PLCB4: variants seen among roughly 807,000 people sequenced by gnomAD.
PLCB4 encodes the protein phospholipase C beta 4, also known as 1-phosphatidylinositol 4,5-bisphosphate phosphodiesterase beta-4.
PLCB4 carries 77 observed loss-of-function variants against 178.8 expected under a neutral mutation model. The ratio of observed to expected loss-of-function variants is 0.43; its 90% CI spans 0.36 to 0.52. The LOEUF is 0.52. Among genes scored for constraint, PLCB4 ranks in the 20% least tolerant of loss-of-function variants. The probability of loss-of-function intolerance (pLI) is 0.00; values close to 1 mark genes in which losing one functional copy is unlikely to be tolerated. For synonymous variants in PLCB4, 496 were observed against 490.8 expected, an observed-to-expected ratio of 1.01 and a Z score of -0.14; for missense variants, 1,024 against 1,453.4, an observed-to-expected ratio of 0.70 and a Z score of 4.80.
In PLCB4 at chr20:9,095,642, G is replaced by T. The variant is rs924913260; in HGVS notation, c.-134-645G>T. ...ATTTAGTATTTGTTAGTGACTAGTA[G>T]GTTTCTGTGTCAATTGTTTATTGAA... On this transcript the variant is annotated intron_variant, in intron 1 of 39. Transcript: ENST00000378473. Among the ~76,000 whole-genome samples, 37 of 152,232 alleles carry T rather than the reference G, an allele frequency of 2.4e-4. 1 individual carries two copies. Among genetic ancestry groups the T allele is most frequent in the Middle Eastern group, 6.8e-3 (2 of 294 alleles).
At chr20:9,114,351 A>G (rs577031854) in intron 2 of PLCB4, among the ~76,000 whole-genome samples, 3 of 152,174 alleles carry the variant, frequency 2.0e-5, no homozygotes, top group South Asian at 4.1e-4. Context: ...AAGTAAGATG[A>G]TGGCAATGTT....
At chr20:9,155,222 T>TGGAAAATCATA (rs1465921977) in intron 2 of PLCB4, among the ~76,000 whole-genome samples, 1 of 151,782 alleles carries the variant, frequency 6.6e-6, no homozygotes, top group Non-Finnish European at 1.5e-5. Context: ...CACTCCTGTG[T>TGGAAAATCATA]TACTTGATTT....
rs2148071370 is a variant in PLCB4, at chr20:9,338,987, G to A, written c.319G>A (p.Val107Met). Residue 107 changes from valine (V) to methionine (M), a missense_variant, in exon 7 of 40, where the codon GTG becomes ATG. By Grantham distance (21) the Val-to-Met change is conservative. This residue lies in a region of PLCB4 where 225 missense variants were observed against 291.0 expected (regional missense o/e 0.77). Transcript: ENST00000378473. Reference protein sequence around the residue: ...IVCVCSGTDLVNISFTYMVAE... With the variant: ...IVCVCSGTDLMNISFTYMVAE... Reference sequence around the variant, plus strand: ...TTGTGTCTGCAGTGGCACAGATCTAGTGAACATTAGTTTTACCTACATGGT... The same window carrying A: ...TTGTGTCTGCAGTGGCACAGATCTAATGAACATTAGTTTTACCTACATGGT... The A allele has an allele frequency of 1.2e-6, 2 of 1,613,404 alleles. No individual in the cohort carries two copies. Among genetic ancestry groups the A allele is most frequent in the East Asian group, 2.2e-5 (1 of 44,832 alleles).
intron 3 of PLCB4, among the ~76,000 whole-genome samples, chr20:9,299,088 C>A (rs962858564): frequency 6.6e-6 from 1 of 151,976 alleles, no homozygotes; most frequent in Non-Finnish European, 1.5e-5. Flanking sequence ...GAATAAGGAT[C>A]AGTCATAACT....
chr20:9,417,407 A>G (rs958793670), intron 25 of PLCB4, among the ~76,000 whole-genome samples: 6 of 152,082 alleles, frequency 3.9e-5, no homozygotes, highest in African/African-American at 1.4e-4. Context: ...CTCTGTCTCT[A>G]TATTTGCCTA....
intron 2 of PLCB4, among the ~76,000 whole-genome samples, chr20:9,162,708 T>C (rs1253451665): frequency 1.3e-5 from 2 of 152,168 alleles, no homozygotes; most frequent in Non-Finnish European, 2.9e-5. Context: ...ATTGTGTTTT[T>C]CCTTTTTTGT....
intron 3 of PLCB4, among the ~76,000 whole-genome samples, chr20:9,254,859 A>G (rs368045468): frequency 2.0e-5 from 3 of 152,196 alleles, no homozygotes; most frequent in African/African-American, 7.2e-5. Context: ...AGAAATATCC[A>G]TATGATTCAA....
intron 3 of PLCB4, among the ~76,000 whole-genome samples, chr20:9,246,690 T>C (rs2094129966): frequency 6.6e-6 from 1 of 151,906 alleles, no homozygotes; most frequent in Non-Finnish European, 1.5e-5. Context: ...GCATGATGAG[T>C]GAATAAAGGA....
chr20:9,114,764 C>T (rs2091720504), intron 2 of PLCB4, among the ~76,000 whole-genome samples: 2 of 152,166 alleles, frequency 1.3e-5, no homozygotes, highest in African/African-American at 4.8e-5. Context: ...ATTATGGCAC[C>T]TGGGGAGGAT....
At chr20:9,132,603 G>A (rs1413281140) in intron 2 of PLCB4, among the ~76,000 whole-genome samples, 1 of 152,178 alleles carries the variant, frequency 6.6e-6, no homozygotes, top group Non-Finnish European at 1.5e-5. Context: ...AGATCCAGTT[G>A]AGAGTGCTGA....
intron 12 of PLCB4, among the ~76,000 whole-genome samples, chr20:9,378,645 A>G (rs1470095704): frequency 2.0e-5 from 3 of 152,140 alleles, no homozygotes; most frequent in African/African-American, 7.2e-5. Context: ...TGCTGTTAAC[A>G]TAACAGTTTC....
chr20:9,338,785 G>A lies in PLCB4; in HGVS notation c.226-109G>A, dbSNP rs112637790. On this transcript the variant is annotated intron_variant, in intron 6 of 39. Transcript: ENST00000378473. ...GTTTTAGAATAATGCTAGGTGTCTG[G>A]GCCCTTATGTTTATTTTTACATTAA... 28 of 761,986 alleles carry A rather than the reference G, an allele frequency of 3.7e-5. No individual in the cohort carries two copies. The African/African-American group carries it at 4.2e-4, about 12-fold the overall frequency. The allele number at this position is 761,986 out of a possible 1,614,324, so 47.2% of individuals were successfully genotyped here.
At chr20:9,133,837 T>C (rs1349831933) in intron 2 of PLCB4, among the ~76,000 whole-genome samples, 1 of 152,206 alleles carries the variant, frequency 6.6e-6, no homozygotes, top group Non-Finnish European at 1.5e-5. Flanking sequence ...TGGTTCTTCC[T>C]CTGTCTTTTT....
chr20:9,423,320 T>G (rs2040775624), intron 27 of PLCB4, among the ~76,000 whole-genome samples: 1 of 152,218 alleles, frequency 6.6e-6, no homozygotes, highest in African/African-American at 2.4e-5. Context: ...ACTTTCGTAT[T>G]CTTAAAAACA....
chr20:9,334,271 A>C (rs1227066008), intron 4 of PLCB4, among the ~76,000 whole-genome samples: 1 of 152,088 alleles, frequency 6.6e-6, no homozygotes, highest in Non-Finnish European at 1.5e-5. Flanking sequence ...GAAGGTGTGC[A>C]CTCCTATTTT....
intron 4 of PLCB4, among the ~76,000 whole-genome samples, chr20:9,325,897 C>T (rs2030451500): frequency 6.6e-6 from 1 of 152,182 alleles, no homozygotes; most frequent in Admixed American, 6.5e-5. Flanking sequence ...ATAAACAACA[C>T]ATTTATCCCT....
rs116224484 is a variant in PLCB4 at position 9,469,515 on chromosome 20, G to A, written c.3350+843G>A. ...GTTTTCTGGAAGCAGATCAAGGCAG[G>A]AATTGATGTGCTTGTGATTCACTGA... is the stretch of plus-strand genomic sequence containing the variant. On this transcript the variant is annotated intron_variant, in intron 36 of 39. Transcript: ENST00000378473. 5.3e-5 allele frequency among the ~76,000 whole-genome samples: 8 copies of A among 152,290 alleles called. No individual in the cohort carries two copies. The East Asian group carries it at 7.7e-4, about 15-fold the overall frequency.
At chr20:9,220,453 C>G (rs1218623033) in intron 3 of PLCB4, among the ~76,000 whole-genome samples, 5 of 152,040 alleles carry the variant, frequency 3.3e-5, no homozygotes, top group African/African-American at 1.2e-4. Context: ...CCAACATGGT[C>G]AAACCCTGTC....
chr20:9,265,594 A>G (rs1601513321), intron 3 of PLCB4, among the ~76,000 whole-genome samples: 2 of 152,292 alleles, frequency 1.3e-5, no homozygotes, highest in South Asian at 4.1e-4. Context: ...TGATTCTCAC[A>G]GTGTTTTCGT....
Sources: gnomAD v4.1 joint callset for allele counts (sites outside exome capture counted in the v4.1 genomes callset) on GRCh38, gnomAD v4.1.1 for gene constraint, gnomAD v4.1.1 regional missense constraint, MANE v1.5 for transcripts, NCBI Gene and HGNC (gene_info 2026-07-23, HGNC 2026-07-21) for gene names.